The following RAPGEF2 variants were observed in gnomAD, a reference collection of about 807,000 sequenced individuals.
RAPGEF2 encodes the protein PDZ domain containing guanine nucleotide exchange factor (GEF) 1.
RAPGEF2 carries 54 observed loss-of-function variants against 186.7 expected under a neutral mutation model. The ratio of observed to expected loss-of-function variants is 0.29; its 90% CI spans 0.23 to 0.36. The LOEUF (loss-of-function observed/expected upper bound fraction) is 0.36, where lower values mean the gene tolerates loss of function less well. RAPGEF2 is among the 10% of genes least tolerant of loss of function. The pLI is 1.00. For synonymous variants in RAPGEF2, 712 were observed against 705.9 expected (o/e 1.01, Z -0.14); for missense variants, 1,532 against 2,045.0 (o/e 0.75, Z 4.84).
intron 1 of RAPGEF2, among the ~76,000 whole-genome samples, chr4:159,122,998 G>A (rs1003261267): frequency 2.6e-5 from 4 of 151,126 alleles, no homozygotes; most frequent in Non-Finnish European, 5.9e-5. Context: ...TTAAGATACT[G>A]ATACAGTACT....
At chr4:159,192,209 G>C (rs1748196124) in intron 2 of RAPGEF2, among the ~76,000 whole-genome samples, 1 of 152,202 alleles carries the variant, frequency 6.6e-6, no homozygotes, top group Non-Finnish European at 1.5e-5. Context: ...ACTCACTGCT[G>C]CCTCCTGGAG....
intron 24 of RAPGEF2, 147 bp downstream of exon 24, chr4:159,345,476 A>G (rs1231898655): frequency 2.5e-5 from 18 of 707,312 alleles, no homozygotes; most frequent in South Asian, 2.0e-4. Flanking sequence ...TTGAATGCTA[A>G]TATTTAATAC....
chr4:159,170,069 C>G (rs927309469), intron 1 of RAPGEF2, among the ~76,000 whole-genome samples: 1 of 144,298 alleles, frequency 6.9e-6, no homozygotes, highest in South Asian at 2.2e-4. Flanking sequence ...ACATCCTCTT[C>G]AATGCTCATC....
At chr4:159,121,894 G>A (rs28832383) in intron 1 of RAPGEF2, among the ~76,000 whole-genome samples, 1,897 of 150,122 alleles carry the variant, frequency 0.013, 39 homozygotes, top group African/African-American at 0.045. Flanking sequence ...AAAATTAGCC[G>A]GGCATAGGTG....
intron 25 of RAPGEF2, among the ~76,000 whole-genome samples, chr4:159,348,082 G>A (rs778128586): frequency 1.3e-5 from 2 of 152,090 alleles, no homozygotes; most frequent in Non-Finnish European, 2.9e-5. Flanking sequence ...TTAGCCTGGC[G>A]TGATGGCGCA....
chr4:159,337,894 A>AAAAAAAAAAAAC, intron 17 of RAPGEF2, among the ~76,000 whole-genome samples: 1 of 145,102 alleles, frequency 6.9e-6, no homozygotes, highest in African/African-American at 2.6e-5. Flanking sequence ...CATCTCAAAA[A>AAAAAAAAAAAAC]AAAAAAAAAA....
intron 3 of RAPGEF2, among the ~76,000 whole-genome samples, chr4:159,195,680 T>C (rs1046529820): frequency 1.1e-4 from 16 of 152,028 alleles, no homozygotes; most frequent in African/African-American, 3.6e-4. Context: ...TCTGACCCTT[T>C]TCATGCCTTG....
rs139850246 is a variant in RAPGEF2 at position 159,265,823 on chromosome 4, C to T, written c.543+22032C>T. ...TGGAGTGGGATGATAACAGCAAAGA[C>T]AAAGAGAAATCTAAATTTGAGAAAA... is the stretch of plus-strand genomic sequence containing the variant. On this transcript the variant is annotated intron_variant, in intron 7 of 29. Coordinates refer to ENST00000691494, the MANE Select transcript of RAPGEF2 (RefSeq NM_001394067.2). Among the ~76,000 whole-genome samples, 93 of 151,946 alleles carry T rather than the reference C, an allele frequency of 6.1e-4. No individual in the cohort carries two copies. In the East Asian group the frequency reaches 0.017, roughly 28 times the overall value.
chr4:159,183,984 G>T (rs1248379092), intron 1 of RAPGEF2, among the ~76,000 whole-genome samples: 1 of 152,242 alleles, frequency 6.6e-6, no homozygotes, highest in East Asian at 1.9e-4. Context: ...GAGTGAGAAC[G>T]TGTGGTGTTT....
At chr4:159,273,626 G>GTTTCTTTCTTTCTTCC (rs1758393179) in intron 7 of RAPGEF2, among the ~76,000 whole-genome samples, 2 of 100,738 alleles carry the variant, frequency 2.0e-5, no homozygotes, top group African/African-American at 7.5e-5. Flanking sequence ...TCAGTAATCA[G>GTTTCTTTCTTTCTTCC]TTTCTTTCTT....
At chr4:159,133,794 A>C (rs1456001066) in intron 1 of RAPGEF2, among the ~76,000 whole-genome samples, 1 of 152,144 alleles carries the variant, frequency 6.6e-6, no homozygotes, top group African/African-American at 2.4e-5. Flanking sequence ...CGTGTTAGCC[A>C]GGATGGTCTC....
intron 1 of RAPGEF2, among the ~76,000 whole-genome samples, chr4:159,152,377 T>C (rs1743649249): frequency 6.6e-6 from 1 of 152,176 alleles, no homozygotes; most frequent in Non-Finnish European, 1.5e-5. Flanking sequence ...CTGTAAATCA[T>C]TCTAAAACTT....
At chr4:159,304,582 T>G (rs1763058030) in intron 8 of RAPGEF2, 109 bp downstream of exon 8, 2 of 967,224 alleles carry the variant, frequency 2.1e-6, no homozygotes, top group Non-Finnish European at 3.0e-6. Context: ...ATATTACATG[T>G]GCATGTAAGT....
intron 7 of RAPGEF2, among the ~76,000 whole-genome samples, chr4:159,255,909 A>C (rs774821559): frequency 3.9e-5 from 6 of 152,098 alleles, no homozygotes; most frequent in Non-Finnish European, 7.4e-5. Flanking sequence ...TTTACTTCCT[A>C]TAAAATATAA....
At chr4:159,277,419 A>G (rs569222268) in intron 7 of RAPGEF2, among the ~76,000 whole-genome samples, 1 of 152,340 alleles carries the variant, frequency 6.6e-6, no homozygotes, top group South Asian at 2.1e-4. Context: ...CATATGATTT[A>G]TAATCCTTTG....
intron 7 of RAPGEF2, among the ~76,000 whole-genome samples, chr4:159,271,823 C>A (rs1758169127): frequency 6.6e-6 from 1 of 152,148 alleles, no homozygotes; most frequent in African/African-American, 2.4e-5. Flanking sequence ...TGATCAAAAT[C>A]ATTTTATAAA....
chr4:159,297,366 C>A (rs1447951864), intron 7 of RAPGEF2, among the ~76,000 whole-genome samples: 1 of 152,164 alleles, frequency 6.6e-6, no homozygotes, highest in African/African-American at 2.4e-5. Context: ...TAGCATATGT[C>A]TGTGCCAAAT....
chr4:159,297,452 T>C (rs1561234015), intron 7 of RAPGEF2, among the ~76,000 whole-genome samples: 1 of 152,220 alleles, frequency 6.6e-6, no homozygotes, highest in Non-Finnish European at 1.5e-5. Flanking sequence ...ACGCAAGTTG[T>C]TATCACTTTG....
At chr4:159,335,921 G>GGAAA (rs1284322231) in intron 17 of RAPGEF2, among the ~76,000 whole-genome samples, 1 of 151,110 alleles carries the variant, frequency 6.6e-6, no homozygotes, top group Non-Finnish European at 1.5e-5. Context: ...GGCCAAGCCA[G>GGAAA]CTATGCTTTG....
Sources: gnomAD v4.1 joint callset for allele counts (sites outside exome capture counted in the v4.1 genomes callset) on GRCh38, gnomAD v4.1.1 for gene constraint, MANE v1.5 for transcripts, NCBI Gene and HGNC (gene_info 2026-07-23, HGNC 2026-07-21) for gene names.